CHLSN: variants seen among roughly 807,000 people sequenced by gnomAD.
CHLSN encodes the protein protein cholesin.
chr7:1,095,744 G>A, the CHLSN span, among the ~76,000 whole-genome samples: 19 of 152,238 alleles, frequency 1.2e-4, no homozygotes, highest in African/African-American at 4.6e-4. Context: ...TAAATGGTGG[G>A]TGACACAGCC....
the CHLSN span, among the ~76,000 whole-genome samples, chr7:1,041,368 C>T: frequency 2.1e-5 from 3 of 141,090 alleles, 1 homozygote; most frequent in African/African-American, 7.8e-5. Context: ...GCCTGGGGTC[C>T]GCGCTGCAGG....
At chr7:1,010,187 C>T in the CHLSN span, 4 of 1,557,660 alleles carry the variant, frequency 2.6e-6, no homozygotes, top group Non-Finnish European at 3.5e-6. Context: ...TGGAGGGTAT[C>T]CAGAGACGGG....
chr7:1,114,321 C>T, the CHLSN span, among the ~76,000 whole-genome samples: 4 of 152,254 alleles, frequency 2.6e-5, no homozygotes, highest in South Asian at 2.1e-4. Flanking sequence ...GGGCAGAGGC[C>T]GCCCGCAGCT....
At chr7:1,057,977 C>T in the CHLSN span, 7 of 770,922 alleles carry the variant, frequency 9.1e-6, no homozygotes, top group Admixed American at 1.7e-5. Context: ...TGTGGGGTGG[C>T]GCGCTGCTGA....
chr7:1,034,018 C>T, the CHLSN span, among the ~76,000 whole-genome samples: 1 of 152,206 alleles, frequency 6.6e-6, no homozygotes, highest in African/African-American at 2.4e-5. Flanking sequence ...TCTGTATTTG[C>T]AAGCGGCATG....
chr7:1,016,066 CCAGCGCACAGCAGCACACAG>C, the CHLSN span, among the ~76,000 whole-genome samples: 139 of 145,212 alleles, frequency 9.6e-4, 7 homozygotes, highest in Middle Eastern at 7.1e-3. Flanking sequence ...GCAGCACACG[CCAGCGCACAGCAGCACACAG>C]CAGCGCACAG....
chr7:1,136,195 T>C, the CHLSN span, among the ~76,000 whole-genome samples: 1 of 105,596 alleles, frequency 9.5e-6, no homozygotes, highest in South Asian at 2.8e-4. Flanking sequence ...TATAAATATA[T>C]ACACAAATAT....
the CHLSN span, among the ~76,000 whole-genome samples, chr7:1,001,364 GGGAGTCCTGTGGGTGAGT>G: frequency 6.6e-6 from 1 of 150,480 alleles, no homozygotes; most frequent in Non-Finnish European, 1.5e-5. Context: ...CCTGTGGGTG[GGGAGTCCTGTGGGTGAGT>G]GGAGTCCTGT....
At chr7:1,124,794 C>T in the CHLSN span, among the ~76,000 whole-genome samples, 1 of 150,562 alleles carries the variant, frequency 6.6e-6, no homozygotes, top group Non-Finnish European at 1.5e-5. Context: ...AGGAATTCAA[C>T]AGCCTGCGGA....
the CHLSN span, chr7:1,091,991 G>A: frequency 1.1e-5 from 17 of 1,613,924 alleles, no homozygotes; most frequent in African/African-American, 1.3e-5. Context: ...ATCAGCTTCC[G>A]CGAGAAGATG....
chr7:1,036,193 T>C, the CHLSN span, among the ~76,000 whole-genome samples: 1 of 152,118 alleles, frequency 6.6e-6, no homozygotes, highest in East Asian at 1.9e-4. Context: ...GGATGCACAG[T>C]GGATATTCAT....
the CHLSN span, among the ~76,000 whole-genome samples, chr7:1,021,962 G>A: frequency 2.6e-3 from 394 of 152,246 alleles, 2 homozygotes; most frequent in African/African-American, 8.8e-3. Context: ...GATCCTCCGC[G>A]GGGGTGGCAG....
At chr7:1,000,396 C>A in the CHLSN span, 1 of 1,242,306 alleles carries the variant, frequency 8.0e-7, no homozygotes, top group South Asian at 1.4e-5. Flanking sequence ...CCTCAGCCCC[C>A]GGGGGGACGT....
the CHLSN span, chr7:988,319 G>C: frequency 1.9e-6 from 3 of 1,610,566 alleles, no homozygotes; most frequent in Non-Finnish European, 2.5e-6. Flanking sequence ...GCTCCTGGAT[G>C]AGACACAGTG....
the CHLSN span, among the ~76,000 whole-genome samples, chr7:992,011 C>T: frequency 4.6e-5 from 7 of 152,178 alleles, no homozygotes; most frequent in East Asian, 1.9e-4. Context: ...AGGCAGCCCG[C>T]GAGCCCAGCT....
At chr7:1,119,704 C>T in the CHLSN span, among the ~76,000 whole-genome samples, 1,044 of 152,292 alleles carry the variant, frequency 6.9e-3, 37 homozygotes, top group Admixed American at 0.057. Context: ...AGGCGAAACC[C>T]TGTCTCTACA....
chr7:1,011,207 CACGGACACAT>C, the CHLSN span, among the ~76,000 whole-genome samples: 2 of 89,844 alleles, frequency 2.2e-5, no homozygotes, highest in South Asian at 2.8e-4. Context: ...CACCCACAGA[CACGGACACAT>C]ACCCACACCC....
chr7:1,126,359 C>CAAAAAAAAAAAAAAA, the CHLSN span, among the ~76,000 whole-genome samples: 1 of 40,516 alleles, frequency 2.5e-5, no homozygotes, highest in Non-Finnish European at 4.8e-5. Flanking sequence ...GACTCTGTCT[C>CAAAAAAAAAAAAAAA]AAAAAAAAAA....
chr7:1,136,579 TATATAAAC>T, the CHLSN span, among the ~76,000 whole-genome samples: 213 of 133,374 alleles, frequency 1.6e-3, 4 homozygotes, highest in African/African-American at 4.4e-3. Flanking sequence ...AACATAAACA[TATATAAAC>T]ATATATAAAC....
Sources: allele counts gnomAD v4.1 joint callset (sites outside exome capture counted in the v4.1 genomes callset), GRCh38; gene constraint gnomAD v4.1.1; transcripts MANE v1.5; gene names NCBI Gene and HGNC (gene_info 2026-07-23, HGNC 2026-07-21).